The following BROX variants were observed in gnomAD, a reference collection of about 807,000 sequenced individuals.
The protein encoded by BROX is BRO1 domain-containing protein BROX.
Under a neutral mutation model 61.0 loss-of-function variants are expected in BROX, and 53 were observed. The ratio of observed to expected loss-of-function variants is 0.87; its 90% CI spans 0.70 to 1.09. BROX has a LOEUF of 1.09. BROX is among the 50% of genes least tolerant of loss of function. BROX has a pLI of 0.00. For synonymous variants in BROX, 152 were observed against 160.2 expected, an observed-to-expected ratio of 0.95 and a Z score of 0.38; for missense variants, 489 against 472.0, an observed-to-expected ratio of 1.04 and a Z score of -0.33.
intron 1 of BROX, among the ~76,000 whole-genome samples, chr1:222,714,467 G>A (rs1656393854): frequency 6.6e-6 from 1 of 151,166 alleles, no homozygotes; most frequent in East Asian, 1.9e-4. Flanking sequence ...CAAAGTGCTG[G>A]GATTACAGGC....
Position 222,725,492 on chromosome 1 carries a change from A to C in BROX, c.517A>C (p.Arg173=). The stretch of plus-strand genomic sequence containing the variant: ...ACTCATTACACCTGCGGAAAAAGGA[A>C]GAGATTTAGAGTCACGACTCATAGA... ...PKLITPAEKG[R]DLESRLIEAY... The change falls in exon 7 of 13, where the codon AGA becomes CGA. Residue 173 remains arginine, a synonymous_variant. Coordinates refer to ENST00000340934, the MANE Select transcript of BROX (RefSeq NM_144695.4). 1 of 1,612,946 alleles carries C rather than the reference A, an allele frequency of 6.2e-7. No individual in the cohort carries two copies. The highest frequency in any genetic ancestry group is 1.1e-5 in the South Asian group (1 of 90,848).
chr1:222,729,587 G>A, intron 9 of BROX, 33 bp from the exon 10 acceptor site: 1 of 1,540,062 alleles, frequency 6.5e-7, no homozygotes, highest in Non-Finnish European at 9.0e-7. Flanking sequence ...CTTGAAGGGA[G>A]AGAATGAATA....
chr1:222,714,256 G>A (rs1656359796), intron 1 of BROX, among the ~76,000 whole-genome samples: 1 of 142,166 alleles, frequency 7.0e-6, no homozygotes, highest in Non-Finnish European at 1.5e-5. Flanking sequence ...CTGTCGCCCA[G>A]GCTGGAGTGC....
intron 9 of BROX, among the ~76,000 whole-genome samples, chr1:222,729,235 C>T (rs909892160): frequency 1.3e-5 from 2 of 152,150 alleles, no homozygotes; most frequent in African/African-American, 2.4e-5. Context: ...TTATACCCAC[C>T]AAACTTAATT....
Position 222,734,261 on chromosome 1 carries a change from G to A in BROX, c.*1547G>A, listed in dbSNP as rs1005282918. ...GTAGCATACACTAAAAGCTTACTATGTGCCAGATACTGTGCTGGACACTTA... is the reference window on the plus strand; with the variant it reads ...GTAGCATACACTAAAAGCTTACTATATGCCAGATACTGTGCTGGACACTTA... On this transcript the variant is annotated 3_prime_UTR_variant, in exon 13 of 13. Coordinates refer to ENST00000340934, the MANE Select transcript of BROX (RefSeq NM_144695.4). 6.6e-6 allele frequency: 1 copy of A among 152,146 alleles called. No homozygotes were observed. Among genetic ancestry groups the A allele is most frequent in the African/African-American group, 2.4e-5 (1 of 41,434 alleles). 9.4% of individuals were successfully genotyped at this position (152,146 alleles called of 1,614,324 possible). A position where few individuals can be genotyped will look rare whatever the true frequency, so the allele number is the denominator to read the frequency against.
intron 4 of BROX, among the ~76,000 whole-genome samples, chr1:222,720,391 C>G (rs73124898): frequency 0.27 from 40,854 of 152,016 alleles, 8,406 homozygotes; most frequent in African/African-American, 0.58. Flanking sequence ...CAAAATTAAG[C>G]AATTTTTTTA....
rs1304872990 is a variant in BROX at position 222,729,659 on chromosome 1, A to C, written c.796A>C (p.Lys266Gln). 1 of 1,613,056 alleles carries C rather than the reference A, an allele frequency of 6.2e-7. No homozygotes were observed. The highest frequency in any genetic ancestry group is 1.1e-5 in the South Asian group (1 of 91,010). ...YHGETLLASD[K>Q]CGEAIRSLQE... ...TGGTGAGACTTTATTGGCTAGTGATAAATGCGGTGAAGCAATCAGGTCTCT... is the reference window on the plus strand; with the variant it reads ...TGGTGAGACTTTATTGGCTAGTGATCAATGCGGTGAAGCAATCAGGTCTCT... Residue 266 changes from lysine to glutamine, a missense_variant, in exon 10 of 13, where the codon AAA becomes CAA. Lys to Gln is a moderately conservative substitution (Grantham distance 53, BLOSUM62 1). Transcript: ENST00000340934.
In BROX at chr1:222,712,801, TC is replaced by T. The variant is rs1347104579; in HGVS notation, c.-156del. 2 of 1,288,984 alleles carry T rather than the reference TC, an allele frequency of 1.6e-6. No individual in the cohort carries two copies. The highest frequency in any genetic ancestry group is 2.0e-6 in the Non-Finnish European group (2 of 988,682). The allele number at this position is 1,288,984 out of a possible 1,614,324, so 79.8% of individuals were successfully genotyped here. On this transcript the variant is annotated 5_prime_UTR_variant, in exon 1 of 13. It removes the in-frame stop codon of an upstream open reading frame in the 5' UTR. Coordinates refer to ENST00000340934, the MANE Select transcript of BROX (RefSeq NM_144695.4). ...TATCATGGCCGCCGGGTCACGTGAC[TC>T]CGGCTTGGCGCCGTCCTGGTTTTCC...
intron 1 of BROX, chr1:222,713,724 A>T (rs1656278008): frequency 6.6e-6 from 1 of 152,286 alleles, no homozygotes; most frequent in Non-Finnish European, 1.5e-5. Flanking sequence ...GCCGCATTAA[A>T]AGAAGTATTT....
intron 4 of BROX, among the ~76,000 whole-genome samples, chr1:222,721,242 A>G (rs1034818002): frequency 4.6e-5 from 7 of 152,162 alleles, no homozygotes; most frequent in African/African-American, 9.7e-5. Flanking sequence ...CTATTAAACT[A>G]TGTATTAAAT....
At chr1:222,725,576 T>C in intron 7 of BROX, 21 bp downstream of exon 7, 2 of 1,537,346 alleles carry the variant, frequency 1.3e-6, no homozygotes, top group East Asian at 4.5e-5. Flanking sequence ...TATTGTAAGA[T>C]TTTTTTAAAT....
At position 222,728,746 on chromosome 1, in the gene BROX, A is replaced by G. The variant is rs757473101; in HGVS notation, c.674A>G (p.His225Arg). Residue 225 changes from histidine (H) to arginine (R), a missense_variant, in exon 9 of 13, where the codon CAT becomes CGT. Coordinates refer to ENST00000340934, the MANE Select transcript of BROX (RefSeq NM_144695.4). The part of the protein sequence containing the change: ...ETANFYQKAD[H>R]TLSSLEPAYS... ...GCTTTTTAAAATGTAACTTTAGATC[A>G]TACTTTATCCAGTTTGGAGCCTGCA... 234 of 1,580,790 alleles carry G rather than the reference A, an allele frequency of 1.5e-4. No homozygotes were observed. Among genetic ancestry groups the G allele is most frequent in the Non-Finnish European group, 2.0e-4 (232 of 1,155,618 alleles).
chr1:222,725,010 G>C (rs1657399025), intron 6 of BROX, among the ~76,000 whole-genome samples: 1 of 152,018 alleles, frequency 6.6e-6, no homozygotes, highest in Admixed American at 6.6e-5. Context: ...TGCCAGGCTG[G>C]TCTCAAACTC....
intron 1 of BROX, among the ~76,000 whole-genome samples, chr1:222,715,435 C>A (rs186130053): frequency 6.6e-6 from 1 of 152,092 alleles, no homozygotes; most frequent in African/African-American, 2.4e-5. Flanking sequence ...AGGCCGGGCG[C>A]GGTGGCTCAC....
intron 11 of BROX, 115 bp from the exon 12 acceptor site, chr1:222,731,242 A>G: frequency 2.3e-6 from 2 of 888,700 alleles, no homozygotes; most frequent in Non-Finnish European, 3.2e-6. Context: ...TACATAAGGC[A>G]GAAAAACCTC....
intron 1 of BROX, 60 bp from the exon 2 acceptor site, chr1:222,715,624 C>A (rs1656542458): frequency 1.5e-6 from 1 of 689,060 alleles, no homozygotes; most frequent in Non-Finnish European, 2.2e-6. Context: ...ATGCTATTTA[C>A]CTTGTTTATT....
chr1:222,722,390 G>A (rs368417297), intron 4 of BROX, 29 bp from the exon 5 acceptor site: 7 of 1,564,596 alleles, frequency 4.5e-6, no homozygotes, highest in South Asian at 2.2e-5. Flanking sequence ...ATAATTGACA[G>A]AACTTAATGA....
At chr1:222,726,935 A>G (rs1385669157) in intron 7 of BROX, among the ~76,000 whole-genome samples, 4 of 152,204 alleles carry the variant, frequency 2.6e-5, no homozygotes, top group African/African-American at 7.2e-5. Context: ...GTGATTCTCT[A>G]TGATTAGCTG....
chr1:222,731,229 T>C (rs1214419088), intron 11 of BROX, 128 bp from the exon 12 acceptor site: 2 of 757,300 alleles, frequency 2.6e-6, no homozygotes, highest in Admixed American at 3.9e-5. Context: ...TTTTTCACTT[T>C]CCTACATAAG....
Sources: gnomAD v4.1 joint callset for allele counts (sites outside exome capture counted in the v4.1 genomes callset) on GRCh38, gnomAD v4.1.1 for gene constraint, MANE v1.5 for transcripts, NCBI Gene and HGNC (gene_info 2026-07-23, HGNC 2026-07-21) for gene names.